Variants in NBAS observed in about 807,000 individuals in gnomAD.
NBAS encodes NBAS subunit of NRZ tethering complex.
Under a neutral mutation model 302.5 loss-of-function variants are expected in NBAS, and 219 were observed. The ratio of observed to expected loss-of-function variants is 0.72; its 90% CI spans 0.65 to 0.81. The LOEUF (loss-of-function observed/expected upper bound fraction) is 0.81, where lower values mean the gene tolerates loss of function less well. Among genes scored for constraint, NBAS ranks in the 30% least tolerant of loss-of-function variants. The probability of loss-of-function intolerance (pLI) is 0.00; values close to 1 mark genes in which losing one functional copy is unlikely to be tolerated. For missense variants in NBAS, 2,932 were observed against 2,841.6 expected, an observed-to-expected ratio of 1.03 and a Z score of -0.72; for synonymous variants, 1,118 against 1,021.6, an observed-to-expected ratio of 1.09 and a Z score of -1.80.
intron 44 of NBAS, among the ~76,000 whole-genome samples, chr2:15,244,366 G>A (rs538007799): frequency 2.6e-5 from 4 of 152,204 alleles, no homozygotes; most frequent in African/African-American, 9.6e-5. Context: ...GTCTTCCCTG[G>A]AGGGAAGAAA....
At chr2:15,373,498 C>A (rs1674583767) in intron 31 of NBAS, among the ~76,000 whole-genome samples, 1 of 152,058 alleles carries the variant, frequency 6.6e-6, no homozygotes, top group African/African-American at 2.4e-5. Context: ...ACTCGGCTAA[C>A]TTCTTTAATT....
intron 44 of NBAS, among the ~76,000 whole-genome samples, chr2:15,244,568 G>T (rs760670352): frequency 3.3e-5 from 5 of 152,140 alleles, no homozygotes; most frequent in Non-Finnish European, 5.9e-5. Context: ...AGCGCTTAAT[G>T]CAATTATCTT....
rs537822891 is a variant in NBAS at position 15,540,730 on chromosome 2, T to G, written c.380-1374A>C. On this transcript the variant is annotated intron_variant, in intron 6 of 51. Transcript: ENST00000281513. ...GCCTTTTGTTTTGTTTTGTTTTTTG[T>G]TTTTTTTTTTGAGATAGAGTCTCAC... is the stretch of plus-strand genomic sequence containing the variant. Among the ~76,000 whole-genome samples, 28 of 20,984 alleles carry G rather than the reference T, an allele frequency of 1.3e-3. No homozygotes were observed. In the South Asian group the frequency reaches 0.028, roughly 21 times the overall value. The allele number at this position is 20,984 out of a possible 152,430, so 13.8% of individuals were successfully genotyped here. A position where few individuals can be genotyped will look rare whatever the true frequency, so the allele number is the denominator to read the frequency against.
At chr2:15,536,298 A>T in intron 8 of NBAS, 120 bp downstream of exon 8, 1 of 1,191,398 alleles carries the variant, frequency 8.4e-7, no homozygotes, top group Non-Finnish European at 1.2e-6. Flanking sequence ...CAAATTCCCT[A>T]TTATATTTGC....
intron 9 of NBAS, among the ~76,000 whole-genome samples, chr2:15,518,348 G>T (rs998493324): frequency 2.0e-5 from 3 of 152,032 alleles, no homozygotes; most frequent in African/African-American, 7.2e-5. Context: ...AGCTAACATT[G>T]TAGCAAATAA....
the NBAS span, among the ~76,000 whole-genome samples, chr2:14,989,884 G>A: frequency 6.6e-6 from 1 of 152,160 alleles, no homozygotes; most frequent in Admixed American, 6.5e-5. Flanking sequence ...ACAAGGGAAT[G>A]AGTTAGCTAT....
chr2:15,414,465 C>A (rs1676824124), intron 25 of NBAS, among the ~76,000 whole-genome samples: 1 of 152,162 alleles, frequency 6.6e-6, no homozygotes, highest in Non-Finnish European at 1.5e-5. Flanking sequence ...GAAAGGGAGA[C>A]ACTATCTCTT....
chr2:15,111,429 C>T, the NBAS span, among the ~76,000 whole-genome samples: 1 of 152,238 alleles, frequency 6.6e-6, no homozygotes, highest in African/African-American at 2.4e-5. Context: ...GCAGAGGGAG[C>T]AGGTGGAATC....
At chr2:15,448,838 T>C (rs895333735) in intron 21 of NBAS, among the ~76,000 whole-genome samples, 1 of 152,206 alleles carries the variant, frequency 6.6e-6, no homozygotes, top group Non-Finnish European at 1.5e-5. Context: ...GTTAACTAAA[T>C]ATAGTGTGAC....
At chr2:15,015,283 G>A in the NBAS span, among the ~76,000 whole-genome samples, 36 of 151,754 alleles carry the variant, frequency 2.4e-4, no homozygotes, top group African/African-American at 8.2e-4. Context: ...CATTTTACAA[G>A]GCCAGCAAAA....
chr2:15,140,349 G>C, the NBAS span, among the ~76,000 whole-genome samples: 1 of 152,236 alleles, frequency 6.6e-6, no homozygotes, highest in African/African-American at 2.4e-5. Flanking sequence ...GACCCACAGG[G>C]TCTGTGAGCA....
intron 7 of NBAS, chr2:15,538,377 G>GA (rs5829509): frequency 3.5e-4 from 158 of 446,974 alleles, no homozygotes; most frequent in South Asian, 7.3e-4. Flanking sequence ...CATTATTTCT[G>GA]AAAAAAAAAT....
At chr2:14,940,939 T>A in the NBAS span, among the ~76,000 whole-genome samples, 3 of 152,252 alleles carry the variant, frequency 2.0e-5, no homozygotes, top group East Asian at 5.8e-4. Context: ...ATCCTCTTTT[T>A]ATCTTACTGT....
intron 9 of NBAS, among the ~76,000 whole-genome samples, chr2:15,521,911 A>G (rs1011457439): frequency 2.3e-4 from 35 of 152,348 alleles, no homozygotes; most frequent in Middle Eastern, 3.4e-3. Flanking sequence ...TTTAGTAGTT[A>G]TAGCAGAGAC....
the NBAS span, among the ~76,000 whole-genome samples, chr2:14,781,909 T>C: frequency 2.0e-5 from 3 of 152,064 alleles, no homozygotes; most frequent in African/African-American, 7.2e-5. Context: ...AAGCATGAAA[T>C]CCAAAGTCCA....
the NBAS span, among the ~76,000 whole-genome samples, chr2:15,012,683 T>C: frequency 6.6e-6 from 1 of 152,150 alleles, no homozygotes; most frequent in African/African-American, 2.4e-5. Flanking sequence ...AGGAAATCCA[T>C]ATTAGTCTAA....
At chr2:14,801,114 C>A in the NBAS span, among the ~76,000 whole-genome samples, 4 of 151,786 alleles carry the variant, frequency 2.6e-5, no homozygotes, top group Admixed American at 6.6e-5. Context: ...TAACCAATGC[C>A]CCCTGCCATC....
At chr2:15,466,763 C>T (rs968903889) in intron 19 of NBAS, among the ~76,000 whole-genome samples, 4 of 151,900 alleles carry the variant, frequency 2.6e-5, no homozygotes, top group African/African-American at 9.7e-5. Flanking sequence ...CATGGCAAAA[C>T]CCTGTCTCTA....
At chr2:15,326,660 T>C (rs1672082954) in intron 38 of NBAS, among the ~76,000 whole-genome samples, 1 of 152,198 alleles carries the variant, frequency 6.6e-6, no homozygotes, top group African/African-American at 2.4e-5. Context: ...ATGTAAGATG[T>C]ACCATAAATT....
Sources: allele counts gnomAD v4.1 joint callset (sites outside exome capture counted in the v4.1 genomes callset), GRCh38; gene constraint gnomAD v4.1.1; transcripts MANE v1.5; gene names NCBI Gene and HGNC (gene_info 2026-07-23, HGNC 2026-07-21).